The following COL5A2 variants were observed in gnomAD, a reference collection of about 807,000 sequenced individuals.
The protein encoded by COL5A2 is collagen type V alpha 2 chain, also known as collagen alpha-2(V) chain.
COL5A2 carries 23 observed loss-of-function variants against 208.2 expected under a neutral mutation model. The ratio of observed to expected loss-of-function variants is 0.11; its 90% CI spans 0.08 to 0.16. The LOEUF is 0.16. Ranked by LOEUF, COL5A2 falls within the 10% of genes least tolerant of loss-of-function variation. The pLI is 1.00. For synonymous variants in COL5A2, 625 were observed against 628.5 expected (o/e 0.99, Z 0.08); for missense variants, 1,590 against 1,956.4 (o/e 0.81, Z 3.53).
chr2:189,176,801 T>A (rs1406621088), intron 1 of COL5A2, among the ~76,000 whole-genome samples: 1 of 151,634 alleles, frequency 6.6e-6, no homozygotes. Flanking sequence ...ACAAACTCTT[T>A]AAAAGCTGAT....
chr2:189,401,855 C>T, the COL5A2 span, among the ~76,000 whole-genome samples: 6 of 152,198 alleles, frequency 3.9e-5, no homozygotes, highest in East Asian at 1.2e-3. Context: ...TTGTTGGCCC[C>T]ATGTATGGCT....
chr2:189,325,863 G>A, the COL5A2 span, among the ~76,000 whole-genome samples: 4 of 152,228 alleles, frequency 2.6e-5, no homozygotes, highest in Admixed American at 6.5e-5. Flanking sequence ...TTGGGAGGCC[G>A]AGCCAGGCAG....
intron 1 of COL5A2, among the ~76,000 whole-genome samples, chr2:189,122,405 G>A (rs1212370781): frequency 1.3e-5 from 2 of 152,164 alleles, no homozygotes; most frequent in Admixed American, 6.5e-5. Flanking sequence ...AACAGGAATA[G>A]AGAGGGAGGA....
the COL5A2 span, among the ~76,000 whole-genome samples, chr2:189,370,134 T>C: frequency 7.9e-5 from 12 of 152,324 alleles, no homozygotes; most frequent in African/African-American, 2.9e-4. Flanking sequence ...ATCTCATCTC[T>C]ACCTCTAATT....
chr2:189,364,685 G>GAA, the COL5A2 span, among the ~76,000 whole-genome samples: 5 of 139,546 alleles, frequency 3.6e-5, no homozygotes, highest in African/African-American at 7.9e-5. Flanking sequence ...CTCTGTCTCA[G>GAA]AAAAAAAAAA....
the COL5A2 span, among the ~76,000 whole-genome samples, chr2:189,343,110 T>A: frequency 6.6e-6 from 1 of 152,078 alleles, no homozygotes; most frequent in Admixed American, 6.6e-5. Context: ...AAACTACATA[T>A]GACTTACACA....
chr2:189,214,708 A>T (rs1414161150), intron 1 of COL5A2, among the ~76,000 whole-genome samples: 1 of 152,220 alleles, frequency 6.6e-6, no homozygotes, highest in Non-Finnish European at 1.5e-5. Flanking sequence ...CAGGCAAGAC[A>T]AAAGAGTTCA....
At chr2:189,165,910 T>C (rs891828634) in intron 1 of COL5A2, among the ~76,000 whole-genome samples, 1 of 152,212 alleles carries the variant, frequency 6.6e-6, no homozygotes, top group African/African-American at 2.4e-5. Flanking sequence ...ATATGTGCTT[T>C]TAGCCGAAAG....
At chr2:189,213,636 G>A (rs1012740883) in intron 1 of COL5A2, among the ~76,000 whole-genome samples, 6 of 152,188 alleles carry the variant, frequency 3.9e-5, no homozygotes, top group African/African-American at 1.2e-4. Context: ...CAAATTAACC[G>A]AAAGGGAGGA....
intron 1 of COL5A2, among the ~76,000 whole-genome samples, chr2:189,128,390 T>C (rs890346978): frequency 2.6e-5 from 4 of 152,096 alleles, no homozygotes; most frequent in Non-Finnish European, 5.9e-5. Context: ...AGCTCTTCTG[T>C]AATTCAAATA....
At chr2:189,275,992 A>C in the COL5A2 span, among the ~76,000 whole-genome samples, 2 of 152,194 alleles carry the variant, frequency 1.3e-5, no homozygotes, top group Non-Finnish European at 2.9e-5. Flanking sequence ...ATAACAACCC[A>C]ACATCATGTA....
chr2:189,251,908 T>C, the COL5A2 span, among the ~76,000 whole-genome samples: 1 of 151,664 alleles, frequency 6.6e-6, no homozygotes, highest in African/African-American at 2.4e-5. Context: ...TCAAACAAAT[T>C]TACAAGAAAA....
intron 51 of COL5A2, among the ~76,000 whole-genome samples, chr2:189,037,884 A>G (rs1300558957): frequency 1.1e-4 from 17 of 152,216 alleles, no homozygotes; most frequent in Admixed American, 9.8e-4. Context: ...TATTTTGAAC[A>G]ATACTTAAGC....
the COL5A2 span, among the ~76,000 whole-genome samples, chr2:189,396,671 TAAAAAA>T: frequency 2.0e-5 from 2 of 102,384 alleles, no homozygotes; most frequent in East Asian, 2.8e-4. Context: ...AAGACTCCAT[TAAAAAA>T]AAAAAAAAAA....
intron 14 of COL5A2, 63 bp downstream of exon 14, chr2:189,079,915 T>G: frequency 7.2e-7 from 1 of 1,385,794 alleles, no homozygotes; most frequent in Non-Finnish European, 1.0e-6. Flanking sequence ...GAAAAATGTG[T>G]AAACATTTGA....
intron 23 of COL5A2, 28 bp from the exon 24 acceptor site, chr2:189,065,085 ATTG>A (rs748437364): frequency 1.5e-4 from 237 of 1,608,038 alleles, no homozygotes; most frequent in Non-Finnish European, 1.8e-4. Flanking sequence ...GTGATTCTTA[ATTG>A]TTGTTGATAT....
At chr2:189,336,985 AT>A in the COL5A2 span, among the ~76,000 whole-genome samples, 1,460 of 152,160 alleles carry the variant, frequency 9.6e-3, 28 homozygotes, top group Non-Finnish European at 0.012. Flanking sequence ...CTTAGGAACT[AT>A]TTTTTTCTGG....
At chr2:189,067,975 G>A in intron 21 of COL5A2, 40 bp downstream of exon 21, 1 of 1,504,306 alleles carries the variant, frequency 6.6e-7, no homozygotes, top group Non-Finnish European at 9.3e-7. Context: ...CTCGTAGTTA[G>A]ATTACACTAA....
At chr2:189,315,300 G>C in the COL5A2 span, among the ~76,000 whole-genome samples, 1 of 152,136 alleles carries the variant, frequency 6.6e-6, no homozygotes, top group Non-Finnish European at 1.5e-5. Flanking sequence ...CAATACATGT[G>C]ATTCATCTCA....
Sources: allele counts gnomAD v4.1 joint callset (sites outside exome capture counted in the v4.1 genomes callset), GRCh38; gene constraint gnomAD v4.1.1; transcripts MANE v1.5; gene names NCBI Gene and HGNC (gene_info 2026-07-23, HGNC 2026-07-21).